The following SELENOI variants were observed in gnomAD, a reference collection of about 807,000 sequenced individuals.
SELENOI encodes selenoprotein I.
In SELENOI, 24 loss-of-function variants were observed where a neutral mutation model predicts 50.7. The ratio of observed to expected loss-of-function variants is 0.47; its 90% CI spans 0.34 to 0.67. SELENOI has a LOEUF of 0.67. Ranked by LOEUF, SELENOI falls within the 30% of genes least tolerant of loss-of-function variation. SELENOI has a pLI of 0.01. For missense variants in SELENOI, 352 were observed against 461.4 expected (o/e 0.76, Z 2.17); for synonymous variants, 155 against 170.2 (o/e 0.91, Z 0.70).
chr2:26,354,500 C>A (rs1476015461), intron 1 of SELENOI, among the ~76,000 whole-genome samples: 1 of 152,128 alleles, frequency 6.6e-6, no homozygotes, highest in South Asian at 2.1e-4. Flanking sequence ...TATTCTCCTT[C>A]TTCAGCCTCC....
intron 4 of SELENOI, among the ~76,000 whole-genome samples, chr2:26,371,649 A>G (rs931367732): frequency 1.4e-4 from 22 of 152,272 alleles, no homozygotes; most frequent in African/African-American, 5.1e-4. Flanking sequence ...ACTCGCGGTT[A>G]GGAGCTGGAG....
intron 1 of SELENOI, among the ~76,000 whole-genome samples, chr2:26,361,650 A>G (rs913303633): frequency 6.7e-6 from 1 of 149,562 alleles, no homozygotes; most frequent in Non-Finnish European, 1.5e-5. Flanking sequence ...ATTGTCCATC[A>G]TCATTTCTTT....
rs2147964992 is a variant in SELENOI at position 26,389,174 on chromosome 2, C to A, written c.*71C>A. The A allele has an allele frequency of 8.9e-7, 1 of 1,129,604 alleles. No individual in the cohort carries two copies. 70.0% of individuals were successfully genotyped at this position (1,129,604 alleles called of 1,614,324 possible). A position where few individuals can be genotyped will look rare whatever the true frequency, so the allele number is the denominator to read the frequency against. ...AAATATTTCCTCCATCACCATTGAA[C>A]TAGACTGATCTGCTTGACAGACGTG... On this transcript the variant is annotated 3_prime_UTR_variant, in exon 10 of 10. Transcript: ENST00000260585.
At chr2:26,369,258 T>G (rs542891119) in intron 4 of SELENOI, among the ~76,000 whole-genome samples, 1 of 152,342 alleles carries the variant, frequency 6.6e-6, no homozygotes, top group African/African-American at 2.4e-5. Flanking sequence ...TTAGTTAAGA[T>G]TCTCATGTTT....
chr2:26,389,069 G>A lies in SELENOI; in HGVS notation c.1160G>A (p.Sec387Ter). 1 of 1,585,494 alleles carries A rather than the reference G, an allele frequency of 6.3e-7. No homozygotes were observed. Among genetic ancestry groups the A allele is most frequent in the Non-Finnish European group, 8.6e-7 (1 of 1,164,488 alleles). Reference protein sequence around the residue: ...PFSLRKPNSDULGMEEKNIGL With the variant: ...PFSLRKPNSD ...TCATTGAGGAAACCAAACTCAGATTGACTAGGAATGGAAGAAAAGAATATT... is the reference window on the plus strand; with the variant it reads ...TCATTGAGGAAACCAAACTCAGATTAACTAGGAATGGAAGAAAAGAATATT... The change falls in exon 10 of 10, where the codon TGA (selenocysteine) becomes TAA (stop). Residue 387 changes from selenocysteine (U) to a stop codon, truncating the protein, a stop_gained. Transcript: ENST00000260585. LOFTEE classifies it high-confidence loss of function.
At chr2:26,366,184 T>C (rs1677283606) in intron 3 of SELENOI, among the ~76,000 whole-genome samples, 1 of 152,178 alleles carries the variant, frequency 6.6e-6, no homozygotes, top group South Asian at 2.1e-4. Context: ...ATAGCTTCTG[T>C]ACATGTAATA....
chr2:26,369,424 C>CT (rs908730073), intron 4 of SELENOI, among the ~76,000 whole-genome samples: 5 of 152,176 alleles, frequency 3.3e-5, no homozygotes, highest in Admixed American at 6.5e-5. Context: ...ATTCTGACTT[C>CT]TTTTTTTCTA....
rs1337956202 is a variant in SELENOI at position 26,395,073 on chromosome 2, C to T, written c.*5970C>T. The T allele has an allele frequency of 6.6e-6, 1 of 152,170 alleles. No individual in the cohort carries two copies. Among genetic ancestry groups the T allele is most frequent in the Admixed American group, 6.5e-5 (1 of 15,282 alleles). 9.4% of individuals were successfully genotyped at this position (152,170 alleles called of 1,614,324 possible). On this transcript the variant is annotated 3_prime_UTR_variant, in exon 10 of 10. Coordinates refer to ENST00000260585, the MANE Select transcript of SELENOI (RefSeq NM_033505.4). ...ATATTAGTCATTGGTCTGTCTGGGA[C>T]GTGCAGTGTTCATAGTAGCAATGTA... is the stretch of plus-strand genomic sequence containing the variant.
chr2:26,387,695 C>CAAAAA (rs60220320), intron 9 of SELENOI, among the ~76,000 whole-genome samples: 1 of 99,202 alleles, frequency 1.0e-5, no homozygotes, highest in Admixed American at 1.0e-4. Context: ...GACCCTGTCT[C>CAAAAA]AAAAAAAAAA....
intron 4 of SELENOI, among the ~76,000 whole-genome samples, chr2:26,367,494 A>G (rs750363487): frequency 1.3e-5 from 2 of 152,218 alleles, no homozygotes; most frequent in African/African-American, 2.4e-5. Context: ...TTTTACTGGC[A>G]CACATCTATG....
In SELENOI at chr2:26,386,375, A is replaced by G; in HGVS notation, c.934A>G (p.Met312Val). ...CCAGTGTCAGCTGATTGTTTGCCAA[A>G]TGAGTAGTACCCGGTGTCCAACTTT... ...NSTCQLIVCQ[M>V]SSTRCPTLNW... The change falls in exon 9 of 10, where the codon ATG (methionine) becomes GTG (valine). Residue 312 changes from methionine (M) to valine (V), a missense_variant. Met to Val is a conservative substitution (Grantham distance 21). Coordinates refer to ENST00000260585, the MANE Select transcript of SELENOI (RefSeq NM_033505.4). 1.2e-6 allele frequency: 2 copies of G among 1,610,690 alleles called. No individual in the cohort carries two copies. Among genetic ancestry groups the G allele is most frequent in the Non-Finnish European group, 1.7e-6 (2 of 1,178,962 alleles).
At chr2:26,373,726 A>G in intron 5 of SELENOI, 97 bp downstream of exon 5, 1 of 1,270,994 alleles carries the variant, frequency 7.9e-7, no homozygotes, top group Non-Finnish European at 1.1e-6. Context: ...TTTTTTGATT[A>G]GAATTGATAT....
chr2:26,350,836 G>T lies in SELENOI; in HGVS notation c.57+4547G>T, dbSNP rs535940520. ...AATATGTATATTTATATTATATAGAGAGAAGGAGAGAGAGAGAGATGCTGC... is the reference window on the plus strand; with the variant it reads ...AATATGTATATTTATATTATATAGATAGAAGGAGAGAGAGAGAGATGCTGC... On this transcript the variant is annotated intron_variant, in intron 1 of 9. Transcript: ENST00000260585. 3.9e-5 allele frequency among the ~76,000 whole-genome samples: 6 copies of T among 152,272 alleles called. No individual in the cohort carries two copies. In the South Asian group the frequency reaches 1.0e-3, roughly 26 times the overall value.
chr2:26,392,950 A>G lies in SELENOI; in HGVS notation c.*3847A>G, dbSNP rs2147967129. The G allele has an allele frequency of 6.6e-6, 1 of 152,422 alleles. No individual in the cohort carries two copies. The highest frequency in any genetic ancestry group is 3.4e-3 in the Middle Eastern group (1 of 296). 9.4% of individuals were successfully genotyped at this position (152,422 alleles called of 1,614,324 possible). A position where few individuals can be genotyped will look rare whatever the true frequency, so the allele number is the denominator to read the frequency against. ...CCTTCCAGGAAGAATTTTAACTAGT[A>G]TGCTACATTTGAAGCACTCTGACAT... On this transcript the variant is annotated 3_prime_UTR_variant, in exon 10 of 10. Coordinates refer to ENST00000260585, the MANE Select transcript of SELENOI (RefSeq NM_033505.4).
At position 26,383,314 on chromosome 2, in the gene SELENOI, T is replaced by C; in HGVS notation, c.698T>C (p.Val233Ala). ...TAMIIGCALCVTLPMSLLNFF... is the reference protein window; with the variant it reads ...TAMIIGCALCATLPMSLLNFF... Reference sequence around the variant, plus strand: ...TTCCCTTTAGGTTGTGCATTATGTGTGACTCTTCCAATGAGTTTATTAAAC... The same window carrying C: ...TTCCCTTTAGGTTGTGCATTATGTGCGACTCTTCCAATGAGTTTATTAAAC... Residue 233 changes from valine (V) to alanine (A), a missense_variant, in exon 7 of 10, where the codon GTG becomes GCG. Transcript: ENST00000260585. The C allele has an allele frequency of 6.5e-7, 1 of 1,539,282 alleles. No individual in the cohort carries two copies. Among genetic ancestry groups the C allele is most frequent in the Non-Finnish European group, 8.8e-7 (1 of 1,133,050 alleles).
At position 26,375,121 on chromosome 2, in the gene SELENOI, A is replaced by C. The variant is rs1677540024; in HGVS notation, c.655A>C (p.Arg219=). ...ACCTTTCCTGTTTAATTTCTTATAT[A>C]GAGACCTATTCACTGCAATGATTAT... ...YEPFLFNFLY[R]DLFTAMIIGC... The change falls in exon 6 of 10, where the codon AGA becomes CGA. Residue 219 remains arginine (R), a synonymous_variant. Coordinates refer to ENST00000260585, the MANE Select transcript of SELENOI (RefSeq NM_033505.4). 1 of 1,611,154 alleles carries C rather than the reference A, an allele frequency of 6.2e-7. No homozygotes were observed. The highest frequency in any genetic ancestry group is 8.5e-7 in the Non-Finnish European group (1 of 1,177,600).
chr2:26,357,204 A>G (rs978324723), intron 1 of SELENOI, among the ~76,000 whole-genome samples: 11 of 152,152 alleles, frequency 7.2e-5, no homozygotes, highest in Non-Finnish European at 1.3e-4. Context: ...CCATAAATCA[A>G]TTCTGTTTTT....
intron 3 of SELENOI, among the ~76,000 whole-genome samples, chr2:26,366,711 A>G (rs6742539): frequency 0.012 from 1,831 of 152,348 alleles, 45 homozygotes; most frequent in African/African-American, 0.042. Flanking sequence ...TGATCTATCT[A>G]TACCCAAATC....
intron 4 of SELENOI, among the ~76,000 whole-genome samples, chr2:26,368,943 G>C (rs1677347890): frequency 6.6e-6 from 1 of 152,156 alleles, no homozygotes; most frequent in South Asian, 2.1e-4. Context: ...TTTTCATATA[G>C]TCTTCAACAA....
Sources: gnomAD v4.1 joint callset for allele counts (sites outside exome capture counted in the v4.1 genomes callset) on GRCh38, gnomAD v4.1.1 for gene constraint, MANE v1.5 for transcripts, NCBI Gene and HGNC (gene_info 2026-07-23, HGNC 2026-07-21) for gene names.